Variants in USP12 observed in about 807,000 individuals in gnomAD.
USP12 encodes ubiquitin carboxyl-terminal hydrolase 12.
USP12 carries 19 observed loss-of-function variants against 45.5 expected under a neutral mutation model. The observed-to-expected ratio is 0.42, with a 90% CI of 0.29 to 0.61. The LOEUF (loss-of-function observed/expected upper bound fraction) is 0.61, where lower values mean the gene tolerates loss of function less well. USP12 is among the 20% of genes least tolerant of loss of function. The pLI is 0.22. For missense variants in USP12, 242 were observed against 447.7 expected (o/e 0.54, Z 4.15); for synonymous variants, 149 against 148.8 (o/e 1.00, Z -0.01).
intron 2 of USP12, among the ~76,000 whole-genome samples, chr13:27,109,960 A>G (rs1272927623): frequency 6.6e-6 from 1 of 151,552 alleles, no homozygotes. Flanking sequence ...TACTTGAATC[A>G]ATCCAATACC....
chr13:27,122,686 A>G (rs1046764158), intron 1 of USP12, among the ~76,000 whole-genome samples: 2 of 151,954 alleles, frequency 1.3e-5, no homozygotes, highest in African/African-American at 4.8e-5. Flanking sequence ...TATTTAAGTA[A>G]AAAAATTTTA....
At chr13:27,131,426 A>G (rs1196764151) in intron 1 of USP12, among the ~76,000 whole-genome samples, 2 of 152,234 alleles carry the variant, frequency 1.3e-5, no homozygotes, top group African/African-American at 2.4e-5. Flanking sequence ...AAAGTGCTGT[A>G]AAACGTAAAG....
intron 2 of USP12, among the ~76,000 whole-genome samples, chr13:27,115,157 G>A (rs1368046943): frequency 6.6e-6 from 1 of 152,072 alleles, no homozygotes; most frequent in East Asian, 1.9e-4. Flanking sequence ...ATCTCTCCAG[G>A]GGATAAAGAC....
chr13:27,150,367 G>A (rs769148402), intron 1 of USP12, among the ~76,000 whole-genome samples: 4 of 151,848 alleles, frequency 2.6e-5, no homozygotes, highest in African/African-American at 4.8e-5. Flanking sequence ...AAAAGAGAAT[G>A]ACATATAAAA....
chr13:27,148,127 CAA>C (rs58958898), intron 1 of USP12, among the ~76,000 whole-genome samples: 1 of 144,862 alleles, frequency 6.9e-6, no homozygotes. Flanking sequence ...AGACCTATCT[CAA>C]AAAAAAAAAA....
chr13:27,145,897 TA>T (rs1332906204), intron 1 of USP12, among the ~76,000 whole-genome samples: 1 of 152,132 alleles, frequency 6.6e-6, no homozygotes, highest in Non-Finnish European at 1.5e-5. Context: ...GTCTACAGAA[TA>T]ATGTTAAGAA....
intron 1 of USP12, among the ~76,000 whole-genome samples, chr13:27,154,284 G>A (rs1877714938): frequency 6.6e-6 from 1 of 151,856 alleles, no homozygotes; most frequent in Non-Finnish European, 1.5e-5. Context: ...TGTTGAGCAA[G>A]GGCATATAGC....
intron 1 of USP12, among the ~76,000 whole-genome samples, chr13:27,167,169 G>A (rs1430412693): frequency 6.6e-6 from 1 of 152,090 alleles, no homozygotes; most frequent in Non-Finnish European, 1.5e-5. Flanking sequence ...GGCTGAGGCA[G>A]GGGAATCACT....
chr13:27,123,762 A>G (rs1353217211), intron 1 of USP12, among the ~76,000 whole-genome samples: 2 of 152,230 alleles, frequency 1.3e-5, no homozygotes, highest in Non-Finnish European at 2.9e-5. Context: ...CTCCCCAGCC[A>G]TGTGGAAATG....
chr13:27,074,027 G>C (rs1213369251), intron 7 of USP12, among the ~76,000 whole-genome samples: 1 of 152,114 alleles, frequency 6.6e-6, no homozygotes, highest in African/African-American at 2.4e-5. Context: ...GATAAAAGAC[G>C]GGACCCAAGG....
chr13:27,158,559 T>A (rs1449278271), intron 1 of USP12, among the ~76,000 whole-genome samples: 1 of 152,192 alleles, frequency 6.6e-6, no homozygotes, highest in East Asian at 1.9e-4. Flanking sequence ...TGGTCTAGCC[T>A]CTTGCTCCTA....
chr13:27,072,963 T>TATA (rs1468141840), intron 7 of USP12, among the ~76,000 whole-genome samples: 1 of 152,194 alleles, frequency 6.6e-6, no homozygotes, highest in Non-Finnish European at 1.5e-5. Context: ...AGTCTTTTAT[T>TATA]AGTGAGCAAA....
intron 1 of USP12, among the ~76,000 whole-genome samples, chr13:27,132,917 A>C (rs893172873): frequency 6.6e-6 from 1 of 152,236 alleles, no homozygotes; most frequent in Non-Finnish European, 1.5e-5. Flanking sequence ...AGGAGGCTCC[A>C]TTGAGCCAGC....
intron 1 of USP12, among the ~76,000 whole-genome samples, chr13:27,144,811 G>C (rs549607400): frequency 5.3e-5 from 8 of 150,822 alleles, no homozygotes; most frequent in African/African-American, 1.9e-4. Context: ...TGTAATCCCA[G>C]CACTTTGGGA....
chr13:27,096,305 C>A (rs1874579983), intron 3 of USP12, among the ~76,000 whole-genome samples: 1 of 152,286 alleles, frequency 6.6e-6, no homozygotes, highest in Non-Finnish European at 1.5e-5. Flanking sequence ...AAGCCCAGAA[C>A]GTGGGGCTTT....
intron 4 of USP12, among the ~76,000 whole-genome samples, chr13:27,093,639 C>T (rs1874423453): frequency 6.6e-6 from 1 of 152,194 alleles, no homozygotes; most frequent in African/African-American, 2.4e-5. Context: ...TAAGTATACT[C>T]TTACCATACA....
chr13:27,104,572 G>A (rs1228018658), intron 3 of USP12, among the ~76,000 whole-genome samples: 2 of 152,042 alleles, frequency 1.3e-5, no homozygotes, highest in African/African-American at 4.8e-5. Flanking sequence ...TTTCATTAGG[G>A]GAAACAAGAT....
At chr13:27,099,234 T>G (rs568041684) in intron 3 of USP12, among the ~76,000 whole-genome samples, 1 of 152,310 alleles carries the variant, frequency 6.6e-6, no homozygotes, top group African/African-American at 2.4e-5. Context: ...TAGGTTTGTT[T>G]GGTACTGAAA....
chr13:27,095,422 A>C (rs756193859), intron 4 of USP12, among the ~76,000 whole-genome samples, 179 bp downstream of exon 4: 15 of 152,226 alleles, frequency 9.9e-5, no homozygotes, highest in Non-Finnish European at 1.9e-4. Context: ...ATTCATTGTC[A>C]ATAAGCAACA....
Sources: gnomAD v4.1 joint callset for allele counts (sites outside exome capture counted in the v4.1 genomes callset) on GRCh38, gnomAD v4.1.1 for gene constraint, MANE v1.5 for transcripts, NCBI Gene and HGNC (gene_info 2026-07-23, HGNC 2026-07-21) for gene names.